Variants in MFAP2 observed in about 807,000 individuals in gnomAD.
MFAP2 encodes the protein microfibrillar-associated protein 2.
MFAP2 carries 23 observed loss-of-function variants against 30.6 expected under a neutral mutation model. The ratio of observed to expected loss-of-function variants is 0.75; its 90% CI spans 0.54 to 1.07. The LOEUF is 1.07. Ranked by LOEUF, MFAP2 falls within the 50% of genes least tolerant of loss-of-function variation. The pLI is 0.00. For synonymous variants in MFAP2, 73 were observed against 85.7 expected (o/e 0.85, Z 0.82); for missense variants, 198 against 223.8 (o/e 0.88, Z 0.74).
In MFAP2 at chr1:16,976,988, C is replaced by T; in HGVS notation, c.128-65G>A. The T allele has an allele frequency of 6.2e-7, 1 of 1,613,552 alleles. No homozygotes were observed. Among genetic ancestry groups the T allele is most frequent in the Non-Finnish European group, 8.5e-7 (1 of 1,179,618 alleles). On this transcript the variant is annotated intron_variant, in intron 3 of 8. Transcript: ENST00000375535. The surrounding 1 kb of genome is among the most constrained non-coding windows in gnomAD (Gnocchi z 5.5). ...CTAATCCCCCAGCCCCTGGGGCAAACAAGTTCCCTCCTGAGCCAGGGACCA... is the reference window on the plus strand; with the variant it reads ...CTAATCCCCCAGCCCCTGGGGCAAATAAGTTCCCTCCTGAGCCAGGGACCA...
chr1:16,978,261 A>T lies in MFAP2; in HGVS notation c.13T>A (p.Tyr5Asn). 1 of 1,578,444 alleles carries T rather than the reference A, an allele frequency of 6.3e-7. No individual in the cohort carries two copies. The highest frequency in any genetic ancestry group is 8.6e-7 in the Non-Finnish European group (1 of 1,161,860). MRAA[Y>N]LFLLFLPAGL... ...CCAGGCAGGAATAGCAGGAAGAGGT[A>T]GGCAGCTCTCATGGCAACAAAGAGG... Residue 5 changes from tyrosine (Y) to asparagine (N), a missense_variant, in exon 2 of 9, where the codon TAC becomes AAC. Transcript: ENST00000375535.
rs2076581676 is a variant in MFAP2 at position 16,975,413 on chromosome 1, C to G, written c.375-71G>C. 1 of 1,027,502 alleles carries G rather than the reference C, an allele frequency of 9.7e-7. No homozygotes were observed. The highest frequency in any genetic ancestry group is 1.2e-6 in the Non-Finnish European group (1 of 809,654). 63.6% of individuals were successfully genotyped at this position (1,027,502 alleles called of 1,614,324 possible). A position where few individuals can be genotyped will look rare whatever the true frequency, so the allele number is the denominator to read the frequency against. ...TCCCACTGGGATAGCCCAGACAGAA[C>G]CTGGCACGGGAGCCCGGACAGAACC... On this transcript the variant is annotated intron_variant, in intron 7 of 8. Transcript: ENST00000375535. The surrounding 1 kb of genome is among the most constrained non-coding windows in gnomAD (Gnocchi z 5.0).
Position 16,978,361 on chromosome 1 carries a change from A to G in MFAP2, c.-41-47T>C, listed in dbSNP as rs1043598129. Reference sequence around the variant, plus strand: ...AGCTCTACCCAGGGCCACACCCAGGACAGCAGAGCTCACCTTTGATCCCCT... The same window carrying G: ...AGCTCTACCCAGGGCCACACCCAGGGCAGCAGAGCTCACCTTTGATCCCCT... On this transcript the variant is annotated intron_variant, in intron 1 of 8. Coordinates refer to ENST00000375535, the MANE Select transcript of MFAP2 (RefSeq NM_002403.4). The G allele has an allele frequency of 4.1e-6, 6 of 1,452,426 alleles. No homozygotes were observed. The African/African-American group carries it at 7.1e-5, about 17-fold the overall frequency. The allele number at this position is 1,452,426 out of a possible 1,614,324, so 90.0% of individuals were successfully genotyped here.
In MFAP2 at chr1:16,975,600, C is replaced by G. The variant is rs1167726425; in HGVS notation, c.374+43G>C. On this transcript the variant is annotated intron_variant, in intron 7 of 8. Coordinates refer to ENST00000375535, the MANE Select transcript of MFAP2 (RefSeq NM_002403.4). This position sits in a 1 kb window ranked among gnomAD's most constrained non-coding sequence, Gnocchi z 5.0. ...GCTGTCCCCTGTGCCCTCTAGCCCC[C>G]CATGCTCCGGAATCCTCCCGACAGC... The G allele has an allele frequency of 6.3e-7, 1 of 1,594,026 alleles. No homozygotes were observed. The highest frequency in any genetic ancestry group is 2.2e-5 in the East Asian group (1 of 44,560).
chr1:16,974,904 G>A lies in MFAP2; in HGVS notation c.*16C>T. 1.5e-6 allele frequency: 1 copy of A among 678,856 alleles called. No homozygotes were observed. The allele number at this position is 678,856 out of a possible 1,614,324, so 42.1% of individuals were successfully genotyped here. ...CAGATCCCAGGAGGGCCAGGACTCA[G>A]GATGCCAGCACCACCCTAGCAGCTC... On this transcript the variant is annotated 3_prime_UTR_variant, in exon 9 of 9. Transcript: ENST00000375535.
intron 1 of MFAP2, among the ~76,000 whole-genome samples, chr1:16,979,316 C>T (rs941637576): frequency 6.6e-6 from 1 of 152,196 alleles, no homozygotes; most frequent in African/African-American, 2.4e-5. Context: ...GGGCGGGGTC[C>T]ATCCAGGAGG....
At chr1:16,978,098 G>T in intron 2 of MFAP2, 139 bp downstream of exon 2, 2 of 926,854 alleles carry the variant, frequency 2.2e-6, no homozygotes, top group Non-Finnish European at 1.6e-6. Context: ...TGTGGTCCAA[G>T]CAGGCAGAAG....
At chr1:16,980,267 A>ACACCCCCCC (rs1557656639) in intron 1 of MFAP2, among the ~76,000 whole-genome samples, 10 of 80,294 alleles carry the variant, frequency 1.2e-4, no homozygotes, top group Non-Finnish European at 2.0e-4. Context: ...TTCCCACCGG[A>ACACCCCCCC]CCCCCCCCCC....
rs2076591393 is a variant in MFAP2 at position 16,976,357 on chromosome 1, C to A, written c.286+144G>T. 2.2e-5 allele frequency: 23 copies of A among 1,054,430 alleles called. No individual in the cohort carries two copies. The South Asian group carries it at 3.1e-4, about 14-fold the overall frequency. 65.3% of individuals were successfully genotyped at this position (1,054,430 alleles called of 1,614,324 possible). ...AGCTGCCTGGGGGGCCTGGTGATGC[C>A]AGCCTACGGCAGTCATACTGCCCAC... On this transcript the variant is annotated intron_variant, in intron 6 of 8. Transcript: ENST00000375535. This position sits in a 1 kb window ranked among gnomAD's most constrained non-coding sequence, Gnocchi z 5.5.
In MFAP2 at chr1:16,975,019, G is replaced by A; in HGVS notation, c.453C>T (p.Asp151=). ...ATTTGGAGAACTTGTCCCGACAGAG[G>A]TCAGCTATTGGGGGCAGGAAGGAGG... ...VCAHEELLRA[D]LCRDKFSKCG... Residue 151 remains aspartate, a synonymous_variant, in exon 9 of 9, where the codon GAC becomes GAT. Coordinates refer to ENST00000375535, the MANE Select transcript of MFAP2 (RefSeq NM_002403.4). The surrounding 1 kb of genome is among the most constrained non-coding windows in gnomAD (Gnocchi z 5.0). The A allele has an allele frequency of 1.3e-6, 1 of 758,962 alleles. No individual in the cohort carries two copies. The allele number at this position is 758,962 out of a possible 1,614,324, so 47.0% of individuals were successfully genotyped here. A position where few individuals can be genotyped will look rare whatever the true frequency, so the allele number is the denominator to read the frequency against.
chr1:16,978,942 C>A (rs1368873863), intron 1 of MFAP2: 8 of 152,298 alleles, frequency 5.3e-5, no homozygotes, highest in Admixed American at 5.2e-4. Context: ...GGCCTCCAGG[C>A]CTCGCAAGAC....
At position 16,975,703 on chromosome 1, in the gene MFAP2, G is replaced by T. The variant is rs769960760; in HGVS notation, c.314C>A (p.Thr105Asn). The T allele has an allele frequency of 6.2e-7, 1 of 1,613,742 alleles. No homozygotes were observed. The highest frequency in any genetic ancestry group is 1.7e-5 in the Admixed American group (1 of 59,968). Residue 105 changes from threonine to asparagine, a missense_variant, in exon 7 of 9, where the codon ACC (threonine) becomes AAC (asparagine). Thr to Asn is a moderately conservative substitution (Grantham distance 65). Coordinates refer to ENST00000375535, the MANE Select transcript of MFAP2 (RefSeq NM_002403.4). The surrounding 1 kb of genome is among the most constrained non-coding windows in gnomAD (Gnocchi z 5.0). ...AGGCCTGTGTATGGAGTAGAGGCGGGTGCACGGGTACTGTTCCTCACGGCA... is the reference window on the plus strand; with the variant it reads ...AGGCCTGTGTATGGAGTAGAGGCGGTTGCACGGGTACTGTTCCTCACGGCA... ...LDCREEQYPC[T>N]RLYSIHRPCK...
rs2076587049 is a variant in MFAP2, at chr1:16,975,916, CG to C, written c.287-187del. 6.6e-6 allele frequency among the ~76,000 whole-genome samples: 1 copy of C among 152,044 alleles called. No homozygotes were observed. The highest frequency in any genetic ancestry group is 6.5e-5 in the Admixed American group (1 of 15,274). ...AGACTTCCCAGGGCTGTAATATTCA[CG>C]TATCAATTCACAACCGCACTTACTA... On this transcript the variant is annotated intron_variant, in intron 6 of 8. Transcript: ENST00000375535. This position sits in a 1 kb window ranked among gnomAD's most constrained non-coding sequence, Gnocchi z 5.0.
In MFAP2 at chr1:16,976,400, T is replaced by C. The variant is rs2076591691; in HGVS notation, c.286+101A>G. On this transcript the variant is annotated intron_variant, in intron 6 of 8. Coordinates refer to ENST00000375535, the MANE Select transcript of MFAP2 (RefSeq NM_002403.4). This position sits in a 1 kb window ranked among gnomAD's most constrained non-coding sequence, Gnocchi z 5.5. ...CTGCCCACACTGCCAAGAGCCCACA[T>C]GGGCAAGGGCCAAAGACCTCCAGCC... The C allele has an allele frequency of 2.0e-6, 3 of 1,487,218 alleles. No individual in the cohort carries two copies. The highest frequency in any genetic ancestry group is 2.8e-6 in the Non-Finnish European group (3 of 1,065,966). The allele number at this position is 1,487,218 out of a possible 1,614,324, so 92.1% of individuals were successfully genotyped here.
chr1:16,975,294 C>T lies in MFAP2; in HGVS notation c.423G>A (p.Val141=). ...CTCGGAGGAGCTCCTCATGGGCACA[C>T]ACTGTACGAACACAGATCTCCTTGT... ...VINKEICVRT[V]CAHEELLRAD... The change falls in exon 8 of 9, where the codon GTG becomes GTA. Residue 141 remains valine, a synonymous_variant. Coordinates refer to ENST00000375535, the MANE Select transcript of MFAP2 (RefSeq NM_002403.4). The surrounding 1 kb of genome is among the most constrained non-coding windows in gnomAD (Gnocchi z 5.0). The T allele has an allele frequency of 6.2e-7, 1 of 1,613,980 alleles. No individual in the cohort carries two copies. Among genetic ancestry groups the T allele is most frequent in the Non-Finnish European group, 8.5e-7 (1 of 1,179,902 alleles).
chr1:16,976,819 G>T lies in MFAP2; in HGVS notation c.155-25C>A, dbSNP rs779046266. ...TCTGCAGCCAGGGGAGGATAAGGGG[G>T]TCTGCTCCCTCTACCCCTCCCAGGG... On this transcript the variant is annotated intron_variant, in intron 4 of 8. Coordinates refer to ENST00000375535, the MANE Select transcript of MFAP2 (RefSeq NM_002403.4). This position sits in a 1 kb window ranked among gnomAD's most constrained non-coding sequence, Gnocchi z 5.5. 18 of 1,613,934 alleles carry T rather than the reference G, an allele frequency of 1.1e-5. No homozygotes were observed. The highest frequency in any genetic ancestry group is 1.4e-5 in the Non-Finnish European group (17 of 1,179,982).
At chr1:16,977,902 C>T (rs947845262) in intron 2 of MFAP2, 6 of 302,910 alleles carry the variant, frequency 2.0e-5, no homozygotes, top group South Asian at 4.2e-5. Context: ...CTCAAGCATC[C>T]GGACTCCCTG....
chr1:16,979,814 T>C (rs1352401908), intron 1 of MFAP2, among the ~76,000 whole-genome samples: 4 of 152,132 alleles, frequency 2.6e-5, no homozygotes, highest in Non-Finnish European at 4.4e-5. Context: ...CCCAGGCTTA[T>C]TGGGGGAAGG....
In MFAP2 at chr1:16,977,192, A is replaced by G. The variant is rs535000773; in HGVS notation, c.44T>C (p.Leu15Ser). 4.3e-6 allele frequency: 7 copies of G among 1,613,434 alleles called. No individual in the cohort carries two copies. In the South Asian group the frequency reaches 7.7e-5, roughly 18 times the overall value. Residue 15 changes from leucine (L) to serine (S), a missense_variant, in exon 3 of 9, where the codon TTG becomes TCG. Coordinates refer to ENST00000375535, the MANE Select transcript of MFAP2 (RefSeq NM_002403.4). ...CAGGTCATACTGGCCCTGAGCCAGCAAGCCTGCTGTGGGGAGGCAAAGCAT... is the reference window on the plus strand; with the variant it reads ...CAGGTCATACTGGCCCTGAGCCAGCGAGCCTGCTGTGGGGAGGCAAAGCAT... ...YLFLLFLPAGLLAQGQYDLDP... is the reference protein window; with the variant it reads ...YLFLLFLPAGSLAQGQYDLDP...
Sources: gnomAD v4.1 joint callset for allele counts (sites outside exome capture counted in the v4.1 genomes callset) on GRCh38, gnomAD v4.1.1 for gene constraint, Gnocchi (gnomAD v3.1) non-coding constraint, MANE v1.5 for transcripts, NCBI Gene and HGNC (gene_info 2026-07-23, HGNC 2026-07-21) for gene names.